The following RAPGEF5 variants were observed in gnomAD, a reference collection of about 807,000 sequenced individuals.
The protein encoded by RAPGEF5 is Rap guanine nucleotide exchange factor 5.
Under a neutral mutation model 125.2 loss-of-function variants are expected in RAPGEF5, and 65 were observed. That is an observed-to-expected ratio of 0.52 (90% CI 0.43 to 0.64). RAPGEF5 has a LOEUF of 0.64. Among genes scored for constraint, RAPGEF5 ranks in the 30% least tolerant of loss-of-function variants. The pLI, the probability that RAPGEF5 is intolerant of heterozygous loss-of-function variation, is 0.00. For synonymous variants in RAPGEF5, 391 were observed against 385.9 expected, an observed-to-expected ratio of 1.01 and a Z score of -0.16; for missense variants, 958 against 1,048.1, an observed-to-expected ratio of 0.91 and a Z score of 1.19.
At chr7:22,196,233 G>A (rs1190554431) in intron 9 of RAPGEF5, among the ~76,000 whole-genome samples, 1 of 152,128 alleles carries the variant, frequency 6.6e-6, no homozygotes, top group Non-Finnish European at 1.5e-5. Context: ...ATTACATCTG[G>A]CTCTCAAGAA....
At chr7:22,232,408 C>T (rs868776584) in intron 7 of RAPGEF5, among the ~76,000 whole-genome samples, 13 of 151,906 alleles carry the variant, frequency 8.6e-5, no homozygotes, top group Non-Finnish European at 1.5e-4. Context: ...CTCCACCTCC[C>T]GGGTTCAAGC....
At chr7:22,351,307 G>T (rs898131247) in intron 1 of RAPGEF5, among the ~76,000 whole-genome samples, 1 of 152,078 alleles carries the variant, frequency 6.6e-6, no homozygotes, top group Admixed American at 6.5e-5. Flanking sequence ...AAGCTTCTGT[G>T]TGCCCAAATA....
chr7:22,194,188 A>G (rs1785093042), intron 9 of RAPGEF5, among the ~76,000 whole-genome samples, 155 bp from the exon 10 acceptor site: 1 of 152,220 alleles, frequency 6.6e-6, no homozygotes, highest in Admixed American at 6.5e-5. Flanking sequence ...AGTCTGGTCA[A>G]AAATCTCCCT....
chr7:22,275,354 C>T (rs1255444738), intron 6 of RAPGEF5, among the ~76,000 whole-genome samples: 2 of 152,206 alleles, frequency 1.3e-5, no homozygotes, highest in African/African-American at 2.4e-5. Context: ...TGGCACCATT[C>T]CTGGTACATA....
intron 6 of RAPGEF5, among the ~76,000 whole-genome samples, chr7:22,282,157 C>G (rs755820377): frequency 6.6e-6 from 1 of 152,138 alleles, no homozygotes; most frequent in Non-Finnish European, 1.5e-5. Flanking sequence ...AGCACAATGA[C>G]TTTTTACTTT....
At chr7:22,172,666 T>C (rs966380476) in intron 11 of RAPGEF5, among the ~76,000 whole-genome samples, 2 of 152,196 alleles carry the variant, frequency 1.3e-5, no homozygotes, top group Non-Finnish European at 1.5e-5. Flanking sequence ...CTGTTACATA[T>C]AAATGTAATC....
intron 18 of RAPGEF5, among the ~76,000 whole-genome samples, chr7:22,149,181 TACTC>T (rs1783539180): frequency 6.6e-6 from 1 of 152,240 alleles, no homozygotes; most frequent in African/African-American, 2.4e-5. Context: ...GTATGTAAAT[TACTC>T]AGCACATACA....
intron 11 of RAPGEF5, among the ~76,000 whole-genome samples, chr7:22,180,407 G>C (rs992485215): frequency 6.6e-6 from 1 of 152,144 alleles, no homozygotes; most frequent in African/African-American, 2.4e-5. Flanking sequence ...AGCAGAAGCC[G>C]TGTGTGACGG....
chr7:22,245,065 T>C (rs933804535), intron 7 of RAPGEF5, among the ~76,000 whole-genome samples: 2 of 152,244 alleles, frequency 1.3e-5, no homozygotes, highest in Non-Finnish European at 2.9e-5. Flanking sequence ...ATTTCTCTCA[T>C]GAATAGTAAT....
At chr7:22,273,379 C>T (rs1256623216) in intron 6 of RAPGEF5, among the ~76,000 whole-genome samples, 1 of 151,892 alleles carries the variant, frequency 6.6e-6, no homozygotes, top group Non-Finnish European at 1.5e-5. Context: ...CCACCGCGCC[C>T]GGCTAATTTT....
chr7:22,163,603 A>T (rs886159724), intron 12 of RAPGEF5, among the ~76,000 whole-genome samples: 1 of 152,224 alleles, frequency 6.6e-6, no homozygotes, highest in Non-Finnish European at 1.5e-5. Flanking sequence ...ATACACGATG[A>T]CCATATGTAA....
At chr7:22,223,339 T>C (rs1785838189) in intron 8 of RAPGEF5, among the ~76,000 whole-genome samples, 1 of 152,134 alleles carries the variant, frequency 6.6e-6, no homozygotes, top group Non-Finnish European at 1.5e-5. Context: ...TGACACTGAA[T>C]TTGACAAAAG....
chr7:22,175,491 AT>A (rs971506688), intron 11 of RAPGEF5, among the ~76,000 whole-genome samples: 4 of 152,196 alleles, frequency 2.6e-5, no homozygotes, highest in African/African-American at 9.7e-5. Context: ...TACAATTATC[AT>A]TTTATTTAAC....
intron 5 of RAPGEF5, among the ~76,000 whole-genome samples, chr7:22,292,050 T>C (rs755598295): frequency 1.3e-5 from 2 of 152,226 alleles, no homozygotes; most frequent in Non-Finnish European, 2.9e-5. Flanking sequence ...CTCCAAGATC[T>C]ATTTCCACAA....
chr7:22,143,342 G>A (rs574828035), intron 20 of RAPGEF5, among the ~76,000 whole-genome samples: 2 of 152,060 alleles, frequency 1.3e-5, no homozygotes, highest in South Asian at 4.2e-4. Flanking sequence ...CTACTCTTGG[G>A]GTCTCTTTGC....
intron 21 of RAPGEF5, chr7:22,139,676 C>T (rs1744667674): frequency 5.6e-6 from 1 of 178,438 alleles, no homozygotes; most frequent in Non-Finnish European, 1.2e-5. Context: ...TTGCCAGGGG[C>T]CCTGCAAGTG....
intron 7 of RAPGEF5, among the ~76,000 whole-genome samples, chr7:22,242,517 C>T (rs1278923996): frequency 6.6e-6 from 1 of 152,130 alleles, no homozygotes; most frequent in Admixed American, 6.6e-5. Context: ...GGTCACCACT[C>T]GAATTCACTA....
chr7:22,152,134 T>C (rs2128107696), intron 17 of RAPGEF5, among the ~76,000 whole-genome samples: 1 of 152,346 alleles, frequency 6.6e-6, no homozygotes, highest in African/African-American at 2.4e-5. Flanking sequence ...TTGGCCCAAA[T>C]GCAAAGTGTT....
At chr7:22,317,190 C>T (rs1783619070) in intron 2 of RAPGEF5, among the ~76,000 whole-genome samples, 1 of 150,348 alleles carries the variant, frequency 6.7e-6, no homozygotes, top group Admixed American at 6.6e-5. Context: ...AGGTCCCAGC[C>T]CTCACAAAGC....
Sources: gnomAD v4.1 joint callset for allele counts (sites outside exome capture counted in the v4.1 genomes callset) on GRCh38, gnomAD v4.1.1 for gene constraint, MANE v1.5 for transcripts, NCBI Gene and HGNC (gene_info 2026-07-23, HGNC 2026-07-21) for gene names.